CNTNAP2: variants seen among roughly 807,000 people sequenced by gnomAD.
CNTNAP2 encodes contactin-associated protein-like 2.
In CNTNAP2, 98 loss-of-function variants were observed where a neutral mutation model predicts 155.2. The observed-to-expected ratio is 0.63, with a 90% CI of 0.54 to 0.75. CNTNAP2 has a LOEUF of 0.75. Among genes scored for constraint, CNTNAP2 ranks in the 30% least tolerant of loss-of-function variants. The probability of loss-of-function intolerance (pLI) is 0.00; values close to 1 mark genes in which losing one functional copy is unlikely to be tolerated. For synonymous variants in CNTNAP2, 651 were observed against 631.2 expected, an observed-to-expected ratio of 1.03 and a Z score of -0.47; for missense variants, 1,727 against 1,688.1, an observed-to-expected ratio of 1.02 and a Z score of -0.40.
chr7:148,295,682 A>G (rs28715361), intron 21 of CNTNAP2, among the ~76,000 whole-genome samples: 6,831 of 147,504 alleles, frequency 0.046, 224 homozygotes, highest in African/African-American at 0.083. Flanking sequence ...TAGTAGAGAC[A>G]GGGTTTCACC....
At chr7:147,163,553 CT>C (rs1213307799) in intron 8 of CNTNAP2, among the ~76,000 whole-genome samples, 3 of 152,224 alleles carry the variant, frequency 2.0e-5, no homozygotes, top group African/African-American at 4.8e-5. Context: ...TTAGGAAATC[CT>C]CTTTATTATT....
At chr7:148,111,328 A>G (rs958198572) in intron 15 of CNTNAP2, among the ~76,000 whole-genome samples, 13 of 152,200 alleles carry the variant, frequency 8.5e-5, no homozygotes, top group Non-Finnish European at 1.9e-4. Context: ...TCTCAGAGAG[A>G]CAAGAGAAGA....
intron 1 of CNTNAP2, among the ~76,000 whole-genome samples, chr7:146,636,822 C>T (rs1030543660): frequency 2.2e-4 from 33 of 152,116 alleles, no homozygotes; most frequent in African/African-American, 4.3e-4. Context: ...AAATGTTAGG[C>T]GTCTCTTTGC....
At chr7:146,603,091 T>C (rs1002890602) in intron 1 of CNTNAP2, among the ~76,000 whole-genome samples, 2 of 151,556 alleles carry the variant, frequency 1.3e-5, no homozygotes, top group African/African-American at 4.8e-5. Context: ...TCTAATTTAC[T>C]AAAATATATT....
intron 2 of CNTNAP2, among the ~76,000 whole-genome samples, chr7:146,834,231 A>G (rs187768315): frequency 6.6e-6 from 1 of 152,240 alleles, no homozygotes; most frequent in Non-Finnish European, 1.5e-5. Context: ...CACCCACTAA[A>G]TTCCTCTTTT....
intron 1 of CNTNAP2, among the ~76,000 whole-genome samples, chr7:146,325,655 G>A (rs1425552164): frequency 2.0e-5 from 3 of 151,810 alleles, no homozygotes; most frequent in African/African-American, 4.8e-5. Flanking sequence ...ATATGAATAT[G>A]GAGGTGAACA....
chr7:147,768,888 T>C (rs1797423390), intron 13 of CNTNAP2, among the ~76,000 whole-genome samples: 1 of 152,100 alleles, frequency 6.6e-6, no homozygotes, highest in Admixed American at 6.6e-5. Flanking sequence ...TAAATTATAA[T>C]ATAGGTCATT....
intron 1 of CNTNAP2, among the ~76,000 whole-genome samples, chr7:146,386,299 C>A (rs1795461037): frequency 2.0e-5 from 3 of 152,156 alleles, no homozygotes; most frequent in African/African-American, 7.2e-5. Flanking sequence ...GTTCAATGCT[C>A]ACATTATTTT....
chr7:146,704,517 T>C (rs1474441033), intron 1 of CNTNAP2, among the ~76,000 whole-genome samples: 2 of 152,174 alleles, frequency 1.3e-5, no homozygotes, highest in African/African-American at 4.8e-5. Context: ...AAATAGTTAA[T>C]GGCAAAGTTT....
At chr7:147,589,629 T>C (rs1239899014) in intron 12 of CNTNAP2, among the ~76,000 whole-genome samples, 1 of 152,296 alleles carries the variant, frequency 6.6e-6, no homozygotes, top group African/African-American at 2.4e-5. Context: ...GACATAATAT[T>C]GCCAAGACTC....
At chr7:146,410,856 T>C (rs1029570872) in intron 1 of CNTNAP2, among the ~76,000 whole-genome samples, 1 of 152,220 alleles carries the variant, frequency 6.6e-6, no homozygotes, top group African/African-American at 2.4e-5. Context: ...ATAAGTGAGA[T>C]AGTGTGGTGT....
rs551389938 is a variant in CNTNAP2 at position 148,187,284 on chromosome 7, T to C, written c.3010+14806T>C. Among the ~76,000 whole-genome samples the C allele has an allele frequency of 5.9e-5, 9 of 152,316 alleles. No individual in the cohort carries two copies. The East Asian group carries it at 1.5e-3, about 26-fold the overall frequency. Reference sequence around the variant, plus strand: ...TGTGTTAATAGCAGAGACTTCTCTTTCTGAATATATGAGGAGAGGAATAAA... The same window carrying C: ...TGTGTTAATAGCAGAGACTTCTCTTCCTGAATATATGAGGAGAGGAATAAA... On this transcript the variant is annotated intron_variant, in intron 18 of 23. Coordinates refer to ENST00000361727, the MANE Select transcript of CNTNAP2 (RefSeq NM_014141.6).
intron 9 of CNTNAP2, among the ~76,000 whole-genome samples, chr7:147,394,537 T>A (rs1796777417): frequency 6.6e-6 from 1 of 152,018 alleles, no homozygotes; most frequent in South Asian, 2.1e-4. Context: ...ATTTGCCCAG[T>A]AGGCAGATTT....
chr7:147,760,839 T>G (rs748716986), intron 13 of CNTNAP2, among the ~76,000 whole-genome samples: 4 of 152,216 alleles, frequency 2.6e-5, no homozygotes, highest in Non-Finnish European at 4.4e-5. Flanking sequence ...CTGGTCCTCA[T>G]GATTCTGACC....
chr7:147,972,330 T>C (rs1175516372), intron 14 of CNTNAP2, among the ~76,000 whole-genome samples: 2 of 152,228 alleles, frequency 1.3e-5, no homozygotes, highest in African/African-American at 2.4e-5. Context: ...CTAGAATTAC[T>C]GTATAGGAAA....
intron 12 of CNTNAP2, among the ~76,000 whole-genome samples, chr7:147,628,231 A>G (rs1202847239): frequency 1.3e-5 from 2 of 152,208 alleles, no homozygotes; most frequent in African/African-American, 2.4e-5. Context: ...GCTGTGGGAC[A>G]AAAGTATCAG....
intron 21 of CNTNAP2, among the ~76,000 whole-genome samples, chr7:148,334,623 T>C (rs28691073): frequency 0.25 from 37,682 of 152,062 alleles, 5,143 homozygotes; most frequent in African/African-American, 0.36. Context: ...CAGGCTGCAC[T>C]AGCTGCTTTA....
chr7:146,374,574 T>A (rs1795280880), intron 1 of CNTNAP2, among the ~76,000 whole-genome samples: 1 of 152,298 alleles, frequency 6.6e-6, no homozygotes, highest in Admixed American at 6.5e-5. Context: ...AATAAGTGTG[T>A]AACTGATGTG....
chr7:147,636,830 G>A (rs1194903306), intron 12 of CNTNAP2, among the ~76,000 whole-genome samples: 1 of 152,172 alleles, frequency 6.6e-6, no homozygotes, highest in Non-Finnish European at 1.5e-5. Context: ...AAGTAAAGGG[G>A]AGATGAATGC....
Sources: allele counts gnomAD v4.1 joint callset (sites outside exome capture counted in the v4.1 genomes callset), GRCh38; gene constraint gnomAD v4.1.1; transcripts MANE v1.5; gene names NCBI Gene and HGNC (gene_info 2026-07-23, HGNC 2026-07-21).